Variants in PDE7B observed in about 807,000 individuals in gnomAD.
The protein encoded by PDE7B is phosphodiesterase 7B.
In PDE7B, 29 loss-of-function variants were observed where a neutral mutation model predicts 56.2. That is an observed-to-expected ratio of 0.52 (90% CI 0.38 to 0.70). PDE7B has a LOEUF of 0.70. Ranked by LOEUF, PDE7B falls within the 30% of genes least tolerant of loss-of-function variation. PDE7B has a pLI of 0.00. For synonymous variants in PDE7B, 197 were observed against 196.9 expected (o/e 1.00, Z 0.00); for missense variants, 490 against 565.0 (o/e 0.87, Z 1.35).
At chr6:136,055,028 T>C (rs1292952177) in intron 2 of PDE7B, among the ~76,000 whole-genome samples, 4 of 152,172 alleles carry the variant, frequency 2.6e-5, no homozygotes, top group African/African-American at 7.2e-5. Context: ...AGCCAAACCA[T>C]ATCACTGTGG....
At chr6:136,072,257 T>C (rs977230494) in intron 2 of PDE7B, among the ~76,000 whole-genome samples, 5 of 152,124 alleles carry the variant, frequency 3.3e-5, no homozygotes, top group Non-Finnish European at 5.9e-5. Flanking sequence ...CAAATCGAAA[T>C]TGTCCTAAGT....
At chr6:135,957,749 TCAC>T (rs1468923953) in intron 2 of PDE7B, among the ~76,000 whole-genome samples, 2 of 152,122 alleles carry the variant, frequency 1.3e-5, no homozygotes, top group Non-Finnish European at 2.9e-5. Context: ...GGTTATATAT[TCAC>T]CCCTAACATT....
intron 2 of PDE7B, among the ~76,000 whole-genome samples, chr6:135,952,898 CTT>C (rs1774725717): frequency 6.6e-6 from 1 of 152,068 alleles, no homozygotes; most frequent in Non-Finnish European, 1.5e-5. Context: ...GTTAGAGAGT[CTT>C]TTCGATTTAG....
At chr6:135,881,976 C>G (rs532729452) in intron 1 of PDE7B, among the ~76,000 whole-genome samples, 1 of 152,142 alleles carries the variant, frequency 6.6e-6, no homozygotes, top group Non-Finnish European at 1.5e-5. Context: ...AATTTGTAGA[C>G]TGGGTTGAGG....
At chr6:135,896,444 CCCACGG>C (rs1173249235) in intron 1 of PDE7B, among the ~76,000 whole-genome samples, 1 of 152,142 alleles carries the variant, frequency 6.6e-6, no homozygotes, top group Non-Finnish European at 1.5e-5. Flanking sequence ...AGCACTAACA[CCCACGG>C]CCTTGATCTA....
intron 2 of PDE7B, among the ~76,000 whole-genome samples, chr6:135,954,845 G>A (rs1477731031): frequency 2.0e-5 from 3 of 152,130 alleles, no homozygotes; most frequent in Admixed American, 6.6e-5. Flanking sequence ...TAGCTTGAAG[G>A]TTGCTTTCTG....
intron 1 of PDE7B, among the ~76,000 whole-genome samples, chr6:135,872,435 CA>C (rs532078918): frequency 2.6e-5 from 4 of 151,532 alleles, no homozygotes; most frequent in Admixed American, 6.6e-5. Context: ...TAAGACACTG[CA>C]AAAAAAATCA....
chr6:136,171,005 A>G (rs1390914694), intron 8 of PDE7B, among the ~76,000 whole-genome samples: 1 of 152,204 alleles, frequency 6.6e-6, no homozygotes, highest in East Asian at 1.9e-4. Flanking sequence ...TTGTAAGATT[A>G]TAACTACTCT....
chr6:135,872,346 C>T (rs927935894), intron 1 of PDE7B, among the ~76,000 whole-genome samples: 1 of 152,142 alleles, frequency 6.6e-6, no homozygotes. Context: ...ACCAACATTG[C>T]TCAGGCTTTT....
intron 2 of PDE7B, chr6:136,044,958 G>A (rs184895107): frequency 3.4e-4 from 51 of 151,010 alleles, no homozygotes; most frequent in African/African-American, 1.2e-3. Flanking sequence ...ATTAAACAAG[G>A]CTGGTTCAAC....
intron 2 of PDE7B, among the ~76,000 whole-genome samples, chr6:135,955,331 A>G (rs1774772801): frequency 6.6e-6 from 1 of 151,980 alleles, no homozygotes; most frequent in Non-Finnish European, 1.5e-5. Context: ...TGTGCAAGAC[A>G]TGGTAAGGAG....
intron 8 of PDE7B, among the ~76,000 whole-genome samples, chr6:136,168,314 C>T (rs935908588): frequency 6.6e-6 from 1 of 152,064 alleles, no homozygotes; most frequent in African/African-American, 2.4e-5. Context: ...GAACGTCAAG[C>T]TAAGGAATTT....
At chr6:135,895,767 C>T (rs1196670925) in intron 1 of PDE7B, among the ~76,000 whole-genome samples, 1 of 152,034 alleles carries the variant, frequency 6.6e-6, no homozygotes, top group Admixed American at 6.6e-5. Flanking sequence ...CTTGCCAAGC[C>T]TTTAGCTTGA....
At chr6:136,148,129 G>A (rs1044824134) in intron 4 of PDE7B, among the ~76,000 whole-genome samples, 1 of 152,112 alleles carries the variant, frequency 6.6e-6, no homozygotes, top group Non-Finnish European at 1.5e-5. Context: ...AGTTTAAACA[G>A]AAGTCGAAGA....
chr6:136,176,721 C>A (rs922986117), intron 9 of PDE7B, among the ~76,000 whole-genome samples: 4 of 152,056 alleles, frequency 2.6e-5, no homozygotes, highest in Non-Finnish European at 4.4e-5. Flanking sequence ...AATTACCCTC[C>A]AGAAACATTG....
chr6:136,091,343 T>C (rs1474472859), intron 2 of PDE7B, among the ~76,000 whole-genome samples: 1 of 152,146 alleles, frequency 6.6e-6, no homozygotes, highest in Non-Finnish European at 1.5e-5. Context: ...CAGTTTCAAA[T>C]ATAATGAAAA....
intron 1 of PDE7B, among the ~76,000 whole-genome samples, chr6:135,896,664 T>TA (rs1775908107): frequency 2.0e-5 from 3 of 152,036 alleles, no homozygotes; most frequent in Admixed American, 1.3e-4. Flanking sequence ...GCAGAGAGGT[T>TA]AAAAAAATTA....
chr6:135,903,740 G>A (rs1776046942), intron 1 of PDE7B, among the ~76,000 whole-genome samples: 1 of 152,130 alleles, frequency 6.6e-6, no homozygotes, highest in South Asian at 2.1e-4. Flanking sequence ...TAATAAATGA[G>A]TTCAGTATTT....
At chr6:136,054,002 G>C (rs1776683116) in intron 2 of PDE7B, among the ~76,000 whole-genome samples, 2 of 152,116 alleles carry the variant, frequency 1.3e-5, no homozygotes, top group African/African-American at 4.8e-5. Flanking sequence ...CCATTCTGTA[G>C]GTTGCCTGTT....
Sources: allele counts gnomAD v4.1 joint callset (sites outside exome capture counted in the v4.1 genomes callset), GRCh38; gene constraint gnomAD v4.1.1; transcripts MANE v1.5; gene names NCBI Gene and HGNC (gene_info 2026-07-23, HGNC 2026-07-21).